SS18L1: variants seen among roughly 807,000 people sequenced by gnomAD.
SS18L1 encodes the protein SS18L1 subunit of BAF chromatin remodeling complex, also known as calcium-responsive transactivator.
Under a neutral mutation model 70.3 loss-of-function variants are expected in SS18L1, and 32 were observed. The ratio of observed to expected loss-of-function variants is 0.46; its 90% CI spans 0.34 to 0.61. The LOEUF (loss-of-function observed/expected upper bound fraction) is 0.61, where lower values mean the gene tolerates loss of function less well. Among genes scored for constraint, SS18L1 ranks in the 20% least tolerant of loss-of-function variants. The pLI, the probability that SS18L1 is intolerant of heterozygous loss-of-function variation, is 0.01. For synonymous variants in SS18L1, 237 were observed against 229.7 expected, an observed-to-expected ratio of 1.03 and a Z score of -0.29; for missense variants, 430 against 542.1, an observed-to-expected ratio of 0.79 and a Z score of 2.05.
At chr20:62,165,392 G>T (rs761862391) in intron 7 of SS18L1, 30 bp from the exon 8 acceptor site, 18 of 1,596,904 alleles carry the variant, frequency 1.1e-5, no homozygotes, top group Non-Finnish European at 1.5e-5. Context: ...CACAGCCTCC[G>T]CTGACTGTCG....
intron 1 of SS18L1, among the ~76,000 whole-genome samples, chr20:62,148,174 G>A (rs73307263): frequency 0.058 from 8,900 of 152,330 alleles, 339 homozygotes; most frequent in African/African-American, 0.092. Flanking sequence ...CCCTCATTCC[G>A]GAGCCTGGGC....
chr20:62,178,469 C>CT (rs535433116), intron 10 of SS18L1, among the ~76,000 whole-genome samples: 246 of 152,068 alleles, frequency 1.6e-3, no homozygotes, highest in African/African-American at 5.8e-3. Context: ...AATTTTTTCT[C>CT]TTTTTTTGTA....
intron 1 of SS18L1, among the ~76,000 whole-genome samples, chr20:62,144,192 C>G (rs1384208339): frequency 1.3e-5 from 2 of 151,386 alleles, no homozygotes; most frequent in South Asian, 2.1e-4. Flanking sequence ...TGCCGGCCCC[C>G]GAGCGCGCTG....
chr20:62,157,009 C>G (rs73137263), intron 1 of SS18L1, among the ~76,000 whole-genome samples: 1 of 152,208 alleles, frequency 6.6e-6, no homozygotes, highest in African/African-American at 2.4e-5. Flanking sequence ...GGTCACAGGG[C>G]GGGTGTCGCC....
chr20:62,178,490 C>T (rs1014916193), intron 10 of SS18L1, among the ~76,000 whole-genome samples: 3 of 151,970 alleles, frequency 2.0e-5, no homozygotes, highest in Non-Finnish European at 2.9e-5. Flanking sequence ...GAGATGGGGT[C>T]TTGCTGTACT....
At chr20:62,150,414 G>T (rs767632269) in intron 1 of SS18L1, among the ~76,000 whole-genome samples, 12 of 152,142 alleles carry the variant, frequency 7.9e-5, no homozygotes, top group Non-Finnish European at 1.6e-4. Flanking sequence ...GCTGATGCTC[G>T]ACCAGCTCTC....
intron 7 of SS18L1, 130 bp from the exon 8 acceptor site, chr20:62,165,290 AAC>A: frequency 1.2e-6 from 1 of 815,808 alleles, no homozygotes; most frequent in Non-Finnish European, 1.9e-6. Context: ...GGTTTTGGGG[AAC>A]ACGGGTCCTG....
At position 62,181,626 on chromosome 20, in the gene SS18L1, CATTT is replaced by C. The variant is rs1368053955; in HGVS notation, c.*2423_*2426del. On this transcript the variant is annotated 3_prime_UTR_variant, in exon 11 of 11. Transcript: ENST00000331758. ...AAAGCACTTTGCAAAATAGTTTGTA[CATTT>C]ATTTCCTAATTTATACATGATTTTT... 2 of 212,572 alleles carry C rather than the reference CATTT, an allele frequency of 9.4e-6. No individual in the cohort carries two copies. Among genetic ancestry groups the C allele is most frequent in the East Asian group, 7.2e-5 (1 of 13,972 alleles). The allele number at this position is 212,572 out of a possible 1,614,324, so 13.2% of individuals were successfully genotyped here.
chr20:62,170,941 G>A (rs1195438642), intron 8 of SS18L1, among the ~76,000 whole-genome samples: 3 of 150,554 alleles, frequency 2.0e-5, no homozygotes, highest in South Asian at 4.2e-4. Flanking sequence ...TCACTCTATC[G>A]CCCAGGCTGG....
intron 1 of SS18L1, among the ~76,000 whole-genome samples, chr20:62,144,768 C>T (rs2056993457): frequency 6.6e-6 from 1 of 152,210 alleles, no homozygotes; most frequent in Non-Finnish European, 1.5e-5. Context: ...AAGACAGATT[C>T]GGAAGAAAAT....
At chr20:62,165,542 C>G in intron 8 of SS18L1, 28 bp downstream of exon 8, 2 of 1,275,222 alleles carry the variant, frequency 1.6e-6, no homozygotes, top group Non-Finnish European at 2.1e-6. Flanking sequence ...GTGCTGGGCT[C>G]GAGCGTAAGC....
intron 8 of SS18L1, 70 bp downstream of exon 8, chr20:62,165,584 C>G (rs2057414555): frequency 2.1e-6 from 3 of 1,425,922 alleles, no homozygotes; most frequent in South Asian, 1.2e-5. Flanking sequence ...ACGCTGCACC[C>G]TTAGGAGCAC....
chr20:62,167,166 C>T (rs935113421), intron 8 of SS18L1, among the ~76,000 whole-genome samples: 3 of 148,954 alleles, frequency 2.0e-5, no homozygotes, highest in African/African-American at 7.5e-5. Context: ...CTGCCTCAGC[C>T]TCTTGAGTAG....
chr20:62,168,950 G>T (rs6142718), intron 8 of SS18L1, among the ~76,000 whole-genome samples: 1 of 152,162 alleles, frequency 6.6e-6, no homozygotes, highest in Non-Finnish European at 1.5e-5. Context: ...GTGTTCATGC[G>T]CAGGGCACCA....
In SS18L1 at chr20:62,161,558, C is replaced by T. The variant is rs1437059652; in HGVS notation, c.354C>T (p.Leu118=). ...AISTGLPPSS[L]LQGQIGNGPS... ...GCACGGGCCTGCCACCCTCCTCCCT[C>T]CTGCAGGGCCAGATTGGCAACGGTG... Residue 118 remains leucine, a synonymous_variant, in exon 4 of 11, where the codon CTC becomes CTT. Coordinates refer to ENST00000331758, the MANE Select transcript of SS18L1 (RefSeq NM_198935.3). This position sits in a 1 kb window ranked among gnomAD's most constrained non-coding sequence, Gnocchi z 4.4. 2 of 1,609,974 alleles carry T rather than the reference C, an allele frequency of 1.2e-6. No individual in the cohort carries two copies. Among genetic ancestry groups the T allele is most frequent in the African/African-American group, 1.3e-5 (1 of 74,870 alleles).
chr20:62,163,381 C>G, intron 5 of SS18L1, 77 bp from the exon 6 acceptor site: 1 of 1,582,976 alleles, frequency 6.3e-7, no homozygotes, highest in Non-Finnish European at 8.6e-7. Flanking sequence ...CCCGCCCGGG[C>G]GCAGGAGGTA....
chr20:62,157,281 C>T (rs1198915408), intron 1 of SS18L1, among the ~76,000 whole-genome samples: 4 of 152,168 alleles, frequency 2.6e-5, no homozygotes, highest in African/African-American at 7.2e-5. Flanking sequence ...GGTGTGTGGA[C>T]GCAAGGCCTT....
At chr20:62,150,414 G>A (rs767632269) in intron 1 of SS18L1, among the ~76,000 whole-genome samples, 5 of 152,142 alleles carry the variant, frequency 3.3e-5, no homozygotes, top group African/African-American at 4.8e-5. Context: ...GCTGATGCTC[G>A]ACCAGCTCTC....
intron 8 of SS18L1, among the ~76,000 whole-genome samples, chr20:62,169,408 G>A (rs1217024268): frequency 6.6e-6 from 1 of 152,214 alleles, no homozygotes; most frequent in African/African-American, 2.4e-5. Context: ...ACCTTCCCAG[G>A]ACCTCTTGAA....
Sources: allele counts gnomAD v4.1 joint callset (sites outside exome capture counted in the v4.1 genomes callset), GRCh38; gene constraint gnomAD v4.1.1; non-coding constraint Gnocchi (gnomAD v3.1); transcripts MANE v1.5; gene names NCBI Gene and HGNC (gene_info 2026-07-23, HGNC 2026-07-21).